Variants in C9orf43 observed in about 807,000 individuals in gnomAD.
C9orf43 encodes the protein chromosome 9 open reading frame 43, also known as uncharacterized protein C9orf43.
A neutral mutation model predicts 59.1 loss-of-function variants in C9orf43; 45 were observed. The ratio of observed to expected loss-of-function variants is 0.76; its 90% CI spans 0.60 to 0.98. The LOEUF (loss-of-function observed/expected upper bound fraction) is 0.98. Ranked by LOEUF, C9orf43 falls within the 50% of genes least tolerant of loss-of-function variation. The pLI is 0.00. For missense variants in C9orf43, 533 were observed against 554.9 expected, an observed-to-expected ratio of 0.96 and a Z score of 0.40; for synonymous variants, 203 against 196.8, an observed-to-expected ratio of 1.03 and a Z score of -0.26.
At chr9:113,424,122 G>A in intron 7 of C9orf43, 44 bp from the exon 8 acceptor site, 2 of 1,537,786 alleles carry the variant, frequency 1.3e-6, no homozygotes, top group Non-Finnish European at 1.7e-6. Context: ...TGCTTTCCGG[G>A]AAGAGCTGTT....
Position 113,413,847 on chromosome 9 carries a change from T to G in C9orf43, c.240T>G (p.His80Gln), listed in dbSNP as rs1828261598. Residue 80 changes from histidine to glutamine, a missense_variant, in exon 3 of 14, where the codon CAT becomes CAG. His to Gln is a conservative substitution (Grantham distance 24). Coordinates refer to ENST00000374165, the MANE Select transcript of C9orf43 (RefSeq NM_001278629.2). ...CAGAATGTACCTTTACTAAGGCCCA[T>G]TCTTTATTGTCTCAGAGTTCAAAGT... ...HLPECTFTKA[H>Q]SLLSQSSKFY... 6.2e-7 allele frequency: 1 copy of G among 1,613,560 alleles called. No individual in the cohort carries two copies. Among genetic ancestry groups the G allele is most frequent in the African/African-American group, 1.3e-5 (1 of 74,920 alleles).
intron 3 of C9orf43, among the ~76,000 whole-genome samples, chr9:113,416,806 T>A (rs1828375695): frequency 6.6e-6 from 1 of 152,214 alleles, no homozygotes; most frequent in Non-Finnish European, 1.5e-5. Flanking sequence ...CATTGAATAC[T>A]AATAGTACCC....
chr9:113,418,583 CA>C (rs1828460175), intron 3 of C9orf43, among the ~76,000 whole-genome samples: 1 of 152,144 alleles, frequency 6.6e-6, no homozygotes, highest in South Asian at 2.1e-4. Flanking sequence ...GATGAAAACT[CA>C]TGGTGTGAAT....
intron 5 of C9orf43, among the ~76,000 whole-genome samples, chr9:113,421,682 T>A (rs1314207537): frequency 6.6e-6 from 1 of 152,172 alleles, no homozygotes; most frequent in East Asian, 1.9e-4. Flanking sequence ...TTGACAACCA[T>A]GGGGAAAGTG....
At chr9:113,426,194 T>C (rs112196550) in intron 11 of C9orf43, among the ~76,000 whole-genome samples, 6,336 of 152,268 alleles carry the variant, frequency 0.042, 171 homozygotes, top group South Asian at 0.1. Context: ...AGAGAGTCTC[T>C]GGAGCCTCAC....
At chr9:113,416,561 T>A (rs1406938939) in intron 3 of C9orf43, among the ~76,000 whole-genome samples, 2 of 152,164 alleles carry the variant, frequency 1.3e-5, no homozygotes, top group East Asian at 3.8e-4. Context: ...ATTTCTCCCT[T>A]CCTTGTTGAG....
At chr9:113,424,447 G>A in intron 8 of C9orf43, 131 bp downstream of exon 8, 1 of 943,176 alleles carries the variant, frequency 1.1e-6, no homozygotes, top group East Asian at 2.5e-5. Context: ...ATGCCCCAGA[G>A]AAGGCTGGGC....
In C9orf43 at chr9:113,428,177, A is replaced by T; in HGVS notation, c.1061A>T (p.Asp354Val). The T allele has an allele frequency of 6.2e-7, 1 of 1,614,244 alleles. No homozygotes were observed. ...AGAACTCTGCCAGGTCAGAACAGTG[A>T]CATGAAGCAGCAGCAGCAGATGGAA... ...GYRTLPGQNS[D>V]MKQQQQMEKG... Residue 354 changes from aspartate to valine, a missense_variant, in exon 12 of 14, where the codon GAC becomes GTC. Coordinates refer to ENST00000374165, the MANE Select transcript of C9orf43 (RefSeq NM_001278629.2).
rs1554744352 is a variant in C9orf43 at position 113,410,792 on chromosome 9, CG to C, written c.-258del. ...GGCCCGCCGGGTCCGTTAATCTCAC[CG>C]CGCCGCAAGGGGCCACGTTTTACCA... On this transcript the variant is annotated 5_prime_UTR_variant, in exon 1 of 14. Coordinates refer to ENST00000374165, the MANE Select transcript of C9orf43 (RefSeq NM_001278629.2). 3.3e-6 allele frequency: 1 copy of C among 298,528 alleles called. No homozygotes were observed. The highest frequency in any genetic ancestry group is 5.1e-6 in the Non-Finnish European group (1 of 195,950). The allele number at this position is 298,528 out of a possible 1,614,324, so 18.5% of individuals were successfully genotyped here. A position where few individuals can be genotyped will look rare whatever the true frequency, so the allele number is the denominator to read the frequency against.
At chr9:113,425,136 A>G in intron 9 of C9orf43, 60 bp downstream of exon 9, 2 of 1,542,272 alleles carry the variant, frequency 1.3e-6, no homozygotes, top group Non-Finnish European at 1.8e-6. Context: ...CACATTTCTC[A>G]TACTTTAACG....
intron 2 of C9orf43, 44 bp downstream of exon 2, chr9:113,413,688 C>T (rs371996976): frequency 3.2e-5 from 52 of 1,611,490 alleles, no homozygotes; most frequent in Non-Finnish European, 3.7e-5. Flanking sequence ...AGGTCCTTAA[C>T]GTATTTATGT....
intron 11 of C9orf43, 101 bp downstream of exon 11, chr9:113,425,831 C>T: frequency 1.1e-6 from 1 of 922,624 alleles, no homozygotes; most frequent in Non-Finnish European, 1.8e-6. Context: ...TTGAGACCTG[C>T]CTTTGTCAGG....
chr9:113,426,466 A>T (rs1828796189), intron 11 of C9orf43, among the ~76,000 whole-genome samples: 1 of 152,172 alleles, frequency 6.6e-6, no homozygotes. Flanking sequence ...GACATTGCTG[A>T]CTTTAATATG....
chr9:113,413,618 C>G lies in C9orf43; in HGVS notation c.125C>G (p.Ser42Cys). 1 of 1,614,206 alleles carries G rather than the reference C, an allele frequency of 6.2e-7. No individual in the cohort carries two copies. The highest frequency in any genetic ancestry group is 8.5e-7 in the Non-Finnish European group (1 of 1,180,024). ...GGCCATCCTCGAATCCTCGGCTCATCCTGCAAAACTCCCCTGGATGCTGAA... is the reference window on the plus strand; with the variant it reads ...GGCCATCCTCGAATCCTCGGCTCATGCTGCAAAACTCCCCTGGATGCTGAA... ...ERGHPRILGS[S>C]CKTPLDAEDK... Residue 42 changes from serine (S) to cysteine (C), a missense_variant, in exon 2 of 14, where the codon TCC (serine) becomes TGC (cysteine). Ser to Cys is a moderately radical substitution (Grantham distance 112). Coordinates refer to ENST00000374165, the MANE Select transcript of C9orf43 (RefSeq NM_001278629.2).
intron 13 of C9orf43, 40 bp from the exon 14 acceptor site, chr9:113,429,132 G>A (rs769307094): frequency 6.3e-7 from 1 of 1,589,134 alleles, no homozygotes; most frequent in South Asian, 1.1e-5. Context: ...GTAGTTGAGA[G>A]GAGTTTACAG....
chr9:113,413,778 C>A lies in C9orf43; in HGVS notation c.171C>A (p.Thr57=). 2 of 1,614,096 alleles carry A rather than the reference C, an allele frequency of 1.2e-6. No individual in the cohort carries two copies. Among genetic ancestry groups the A allele is most frequent in the Non-Finnish European group, 1.7e-6 (2 of 1,180,010 alleles). The stretch of plus-strand genomic sequence containing the variant: ...TCTTAGATAAACTCCCAGTGCTCAC[C>A]GTGGTAGACATCTTAGATTCCGGCT... ...LDAEDKLPVL[T]VVDILDSGFA... is the part of the protein sequence containing the mutation. Residue 57 remains threonine (T), a synonymous_variant, in exon 3 of 14, where the codon ACC becomes ACA. Transcript: ENST00000374165.
intron 12 of C9orf43, 137 bp downstream of exon 12, chr9:113,428,360 T>A: frequency 1.1e-6 from 1 of 886,130 alleles, no homozygotes; most frequent in Non-Finnish European, 1.8e-6. Context: ...CTTCTCCTGC[T>A]TGAGGTCACT....
chr9:113,427,051 G>C (rs1238907400), intron 11 of C9orf43, among the ~76,000 whole-genome samples: 2 of 152,162 alleles, frequency 1.3e-5, no homozygotes, highest in Non-Finnish European at 2.9e-5. Flanking sequence ...AGGGAGAGTG[G>C]TCTATCACAC....
chr9:113,413,435 G>T lies in C9orf43; in HGVS notation c.-49-10G>T. The T allele has an allele frequency of 1.3e-6, 2 of 1,568,942 alleles. No homozygotes were observed. The highest frequency in any genetic ancestry group is 1.7e-6 in the Non-Finnish European group (2 of 1,152,212). On this transcript the variant is annotated splice_polypyrimidine_tract_variant and intron_variant, in intron 1 of 13. Coordinates refer to ENST00000374165, the MANE Select transcript of C9orf43 (RefSeq NM_001278629.2). ...AATACTCCCTAATTATGTAGCTGTT[G>T]ATTTTCCAGAGCACTAGAATGCTGC... is the stretch of plus-strand genomic sequence containing the variant.
Sources: gnomAD v4.1 joint callset for allele counts (sites outside exome capture counted in the v4.1 genomes callset) on GRCh38, gnomAD v4.1.1 for gene constraint, MANE v1.5 for transcripts, NCBI Gene and HGNC (gene_info 2026-07-23, HGNC 2026-07-21) for gene names.